Variants in MAP2 observed in about 807,000 individuals in gnomAD.
MAP2 encodes the protein microtubule associated protein 2, also known as microtubule-associated protein 2.
In MAP2, 14 loss-of-function variants were observed where a neutral mutation model predicts 137.6. That is an observed-to-expected ratio of 0.10 (90% CI 0.07 to 0.16). The LOEUF (loss-of-function observed/expected upper bound fraction) is 0.16. MAP2 is among the 10% of genes least tolerant of loss of function. The probability of loss-of-function intolerance (pLI) is 1.00; values close to 1 mark genes in which losing one functional copy is unlikely to be tolerated. For synonymous variants in MAP2, 786 were observed against 782.3 expected, an observed-to-expected ratio of 1.00 and a Z score of -0.08; for missense variants, 2,088 against 2,191.5, an observed-to-expected ratio of 0.95 and a Z score of 0.94.
rs559893809 is a variant in MAP2 at position 209,597,563 on chromosome 2, T to G, written c.-107+17463T>G. Among the ~76,000 whole-genome samples, 7 of 152,262 alleles carry G rather than the reference T, an allele frequency of 4.6e-5. No individual in the cohort carries two copies. The East Asian group carries it at 1.4e-3, about 29-fold the overall frequency. ...TGTACACATGGTAGCTGGACTTAGT[T>G]TCTCAGAATACAATCTAATCATGAT... On this transcript the variant is annotated intron_variant, in intron 3 of 15. Coordinates refer to ENST00000682079, the MANE Select transcript of MAP2 (RefSeq NM_001375505.1).
chr2:209,639,499 G>C (rs1581676581), intron 4 of MAP2, among the ~76,000 whole-genome samples: 1 of 152,106 alleles, frequency 6.6e-6, no homozygotes, highest in African/African-American at 2.4e-5. Flanking sequence ...AACTGTCTCT[G>C]AGAAATGTTT....
chr2:209,497,186 A>C (rs2059850919), intron 1 of MAP2, among the ~76,000 whole-genome samples: 1 of 152,198 alleles, frequency 6.6e-6, no homozygotes, highest in African/African-American at 2.4e-5. Context: ...CTGTTTAAAA[A>C]TAGGGCTTGT....
At chr2:209,557,180 G>A (rs994146903) in intron 2 of MAP2, among the ~76,000 whole-genome samples, 1 of 152,134 alleles carries the variant, frequency 6.6e-6, no homozygotes, top group Non-Finnish European at 1.5e-5. Flanking sequence ...TACTATTCAG[G>A]TTCATCTGAA....
intron 1 of MAP2, among the ~76,000 whole-genome samples, chr2:209,437,928 T>C (rs983473397): frequency 1.3e-5 from 2 of 151,604 alleles, no homozygotes; most frequent in African/African-American, 4.8e-5. Context: ...TGTAACAAGT[T>C]GCATTTCAAC....
At chr2:209,480,719 G>GA in intron 1 of MAP2, among the ~76,000 whole-genome samples, 1 of 152,214 alleles carries the variant, frequency 6.6e-6, no homozygotes, top group Middle Eastern at 3.4e-3. Flanking sequence ...CCTGTAAATA[G>GA]AAAAAATTTT....
intron 1 of MAP2, among the ~76,000 whole-genome samples, chr2:209,438,272 G>A (rs1229440007): frequency 6.6e-6 from 1 of 151,462 alleles, no homozygotes; most frequent in Non-Finnish European, 1.5e-5. Context: ...TGTAAATGGA[G>A]TATGAATATT....
intron 2 of MAP2, among the ~76,000 whole-genome samples, chr2:209,519,687 A>G (rs2062999592): frequency 6.6e-6 from 1 of 152,078 alleles, no homozygotes. Flanking sequence ...CAGCAGAGAG[A>G]TTTGAATAAG....
intron 4 of MAP2, among the ~76,000 whole-genome samples, chr2:209,630,155 G>T (rs1197306813): frequency 3.3e-5 from 5 of 151,912 alleles, no homozygotes; most frequent in African/African-American, 4.8e-5. Flanking sequence ...TGCTTAAGCA[G>T]AATAGGGAAG....
At chr2:209,496,260 T>C (rs1359968996) in intron 1 of MAP2, among the ~76,000 whole-genome samples, 1 of 152,122 alleles carries the variant, frequency 6.6e-6, no homozygotes, top group Non-Finnish European at 1.5e-5. Context: ...ATTTGCTGGG[T>C]CATTGACCCA....
At chr2:209,728,671 G>C (rs1048636988) in intron 14 of MAP2, among the ~76,000 whole-genome samples, 1 of 152,154 alleles carries the variant, frequency 6.6e-6, no homozygotes, top group Non-Finnish European at 1.5e-5. Flanking sequence ...AGAGATACAT[G>C]AGCAACAAGA....
At chr2:209,557,202 C>T (rs951641325) in intron 2 of MAP2, among the ~76,000 whole-genome samples, 1 of 152,292 alleles carries the variant, frequency 6.6e-6, no homozygotes, top group Middle Eastern at 3.4e-3. Context: ...CTTGGACTTA[C>T]GGTTTCTAAT....
chr2:209,668,754 T>C (rs2047438016), intron 5 of MAP2, among the ~76,000 whole-genome samples: 2 of 152,114 alleles, frequency 1.3e-5, no homozygotes, highest in Admixed American at 1.3e-4. Context: ...ATTTTTCCAG[T>C]GAAGGTGCTC....
intron 13 of MAP2, among the ~76,000 whole-genome samples, chr2:209,718,993 A>C (rs927600090): frequency 6.6e-6 from 1 of 152,212 alleles, no homozygotes; most frequent in African/African-American, 2.4e-5. Flanking sequence ...GAGGCGAAAT[A>C]GTTTTCCTTA....
At chr2:209,481,210 C>A (rs117171741) in intron 1 of MAP2, among the ~76,000 whole-genome samples, 1 of 152,182 alleles carries the variant, frequency 6.6e-6, no homozygotes, top group East Asian at 1.9e-4. Flanking sequence ...CAGGAATGGG[C>A]AGAGGGAGAA....
chr2:209,659,481 T>C (rs1221277759), intron 5 of MAP2, among the ~76,000 whole-genome samples: 2 of 152,178 alleles, frequency 1.3e-5, no homozygotes, highest in Non-Finnish European at 2.9e-5. Flanking sequence ...ATCTGCCACA[T>C]TCAGAACAGC....
intron 2 of MAP2, among the ~76,000 whole-genome samples, chr2:209,547,716 G>T (rs1020454304): frequency 1.3e-5 from 2 of 152,088 alleles, no homozygotes; most frequent in South Asian, 4.2e-4. Context: ...CCTCATAGTG[G>T]TTGTAATGTA....
At chr2:209,626,690 C>A (rs573954611) in intron 4 of MAP2, among the ~76,000 whole-genome samples, 4 of 152,128 alleles carry the variant, frequency 2.6e-5, no homozygotes, top group Non-Finnish European at 5.9e-5. Context: ...TGAAGGGCAT[C>A]ACACTGTAGA....
At chr2:209,724,598 A>C (rs1015932312) in intron 13 of MAP2, among the ~76,000 whole-genome samples, 2 of 152,080 alleles carry the variant, frequency 1.3e-5, no homozygotes, top group East Asian at 3.9e-4. Flanking sequence ...AGAGAGAGAG[A>C]GAGAGAGAGA....
intron 2 of MAP2, among the ~76,000 whole-genome samples, chr2:209,543,154 A>G (rs555942227): frequency 1.3e-5 from 2 of 152,210 alleles, no homozygotes; most frequent in Non-Finnish European, 2.9e-5. Flanking sequence ...AAATATTATT[A>G]TATCTCAGGG....
Sources: allele counts gnomAD v4.1 joint callset (sites outside exome capture counted in the v4.1 genomes callset), GRCh38; gene constraint gnomAD v4.1.1; transcripts MANE v1.5; gene names NCBI Gene and HGNC (gene_info 2026-07-23, HGNC 2026-07-21).